Variants in TRUB1 observed in about 807,000 individuals in gnomAD.
TRUB1 encodes the protein pseudouridylate synthase TRUB1.
Under a neutral mutation model 33.9 loss-of-function variants are expected in TRUB1, and 23 were observed. The ratio of observed to expected loss-of-function variants is 0.68; its 90% CI spans 0.49 to 0.96. TRUB1 has a LOEUF of 0.96. Among genes scored for constraint, TRUB1 ranks in the 40% least tolerant of loss-of-function variants. The probability of loss-of-function intolerance (pLI) is 0.00; values close to 1 mark genes in which losing one functional copy is unlikely to be tolerated. For synonymous variants in TRUB1, 163 were observed against 165.4 expected, an observed-to-expected ratio of 0.99 and a Z score of 0.11; for missense variants, 378 against 422.2, an observed-to-expected ratio of 0.90 and a Z score of 0.92.
chr10:114,938,616 C>T (rs2084171168), intron 1 of TRUB1, 77 bp downstream of exon 1: 14 of 1,405,468 alleles, frequency 1.0e-5, no homozygotes, highest in South Asian at 6.2e-5. Flanking sequence ...TTGCGACGCT[C>T]GTGATTCAAG....
chr10:114,954,585 A>G (rs2084253544), intron 3 of TRUB1, among the ~76,000 whole-genome samples: 1 of 151,778 alleles, frequency 6.6e-6, no homozygotes, highest in African/African-American at 2.4e-5. Context: ...TGTGTTCCTC[A>G]TTGTCTTCCT....
intron 2 of TRUB1, 72 bp from the exon 3 acceptor site, chr10:114,951,021 CA>C: frequency 3.7e-6 from 5 of 1,365,890 alleles, no homozygotes; most frequent in Admixed American, 1.8e-5. Flanking sequence ...AAATTATGAC[CA>C]AAAAATATAG....
chr10:114,973,775 C>A (rs2084347025), intron 6 of TRUB1, among the ~76,000 whole-genome samples: 1 of 152,106 alleles, frequency 6.6e-6, no homozygotes, highest in Non-Finnish European at 1.5e-5. Context: ...TCCAAGAGAA[C>A]ATTTAAATAA....
At chr10:114,967,734 A>C (rs1360728017) in intron 4 of TRUB1, among the ~76,000 whole-genome samples, 2 of 152,174 alleles carry the variant, frequency 1.3e-5, no homozygotes, top group Admixed American at 1.3e-4. Context: ...CTTTTTAAAT[A>C]CTTTGGAAGT....
chr10:114,959,091 G>A (rs746127338), intron 3 of TRUB1, among the ~76,000 whole-genome samples: 10 of 152,112 alleles, frequency 6.6e-5, no homozygotes, highest in African/African-American at 9.7e-5. Context: ...AGCCGAGATC[G>A]CACCACTGCA....
intron 3 of TRUB1, among the ~76,000 whole-genome samples, chr10:114,957,789 A>G (rs961073603): frequency 9.9e-5 from 15 of 152,218 alleles, no homozygotes; most frequent in African/African-American, 2.9e-4. Context: ...TACTGCAGAT[A>G]CATTCAAGGC....
At chr10:114,960,051 C>G (rs2084279018) in intron 4 of TRUB1, 3 of 405,902 alleles carry the variant, frequency 7.4e-6, no homozygotes, top group Non-Finnish European at 1.3e-5. Context: ...AATTATTCTT[C>G]CAAATAACCT....
chr10:114,972,840 A>G (rs2084343477), intron 6 of TRUB1, among the ~76,000 whole-genome samples: 1 of 152,188 alleles, frequency 6.6e-6, no homozygotes, highest in Non-Finnish European at 1.5e-5. Context: ...AATTCAAGTT[A>G]TGAATTTTAA....
At chr10:114,960,021 G>A (rs2084278867) in intron 4 of TRUB1, 1 of 501,868 alleles carries the variant, frequency 2.0e-6, no homozygotes, top group African/African-American at 2.0e-5. Flanking sequence ...TTTTTCTATA[G>A]TGATGTTTTA....
Position 114,975,391 on chromosome 10 carries a change from G to A in TRUB1, c.*12G>A. 6.6e-7 allele frequency: 1 copy of A among 1,524,022 alleles called. No homozygotes were observed. Among genetic ancestry groups the A allele is most frequent in the Non-Finnish European group, 8.8e-7 (1 of 1,134,710 alleles). 94.4% of individuals were successfully genotyped at this position (1,524,022 alleles called of 1,614,324 possible). ...TTAAGACGTGTTGAGATTGGCCTGG[G>A]AATATCATCATTTTCTAGTTGACAT... On this transcript the variant is annotated 3_prime_UTR_variant, in exon 8 of 8. Coordinates refer to ENST00000298746, the MANE Select transcript of TRUB1 (RefSeq NM_139169.5).
intron 6 of TRUB1, among the ~76,000 whole-genome samples, chr10:114,973,599 G>A (rs946090419): frequency 1.4e-4 from 22 of 152,336 alleles, no homozygotes; most frequent in Non-Finnish European, 2.6e-4. Flanking sequence ...GTGTGGAAAT[G>A]TGGCAGCTCT....
intron 3 of TRUB1, among the ~76,000 whole-genome samples, chr10:114,954,908 CT>C (rs5788089): frequency 0.023 from 3,340 of 146,554 alleles, 103 homozygotes; most frequent in African/African-American, 0.065. Flanking sequence ...CAGTTAATTT[CT>C]TTTTTTTTTT....
rs377751912 is a variant in TRUB1 at position 114,975,107 on chromosome 10, C to G, written c.794-16C>G. 2.4e-5 allele frequency: 38 copies of G among 1,584,350 alleles called. No homozygotes were observed. The highest frequency in any genetic ancestry group is 3.3e-5 in the Non-Finnish European group (38 of 1,167,346). On this transcript the variant is annotated splice_polypyrimidine_tract_variant and intron_variant, in intron 7 of 7. Transcript: ENST00000298746. ...GTTTATCTTCTGGATTTTTTTTCTA[C>G]CTTTTGTTGCCATAGAACTATCTTC...
chr10:114,974,310 G>A lies in TRUB1; in HGVS notation c.737-19G>A, dbSNP rs6585312. 2.5e-6 allele frequency: 4 copies of A among 1,605,876 alleles called. No individual in the cohort carries two copies. The highest frequency in any genetic ancestry group is 1.7e-4 in the Middle Eastern group (1 of 6,030). ...TCATAGGAGGTTAGCAATTTACTAT[G>A]TCACTGTTAACATTCCAGATGTTGA... On this transcript the variant is annotated intron_variant, in intron 6 of 7. Coordinates refer to ENST00000298746, the MANE Select transcript of TRUB1 (RefSeq NM_139169.5).
At chr10:114,938,690 C>T (rs1564696165) in intron 1 of TRUB1, 151 bp downstream of exon 1, 3 of 942,808 alleles carry the variant, frequency 3.2e-6, no homozygotes, top group East Asian at 5.8e-5. Flanking sequence ...TCTCGGGCAT[C>T]TCGGGCTTGG....
At chr10:114,939,821 C>CTTTTTTTTT (rs199856592) in intron 1 of TRUB1, among the ~76,000 whole-genome samples, 4 of 103,482 alleles carry the variant, frequency 3.9e-5, no homozygotes, top group Non-Finnish European at 8.0e-5. Flanking sequence ...CTCTGGGTTT[C>CTTTTTTTTT]TTTTCTTTTT....
rs2084194232 is a variant in TRUB1, at chr10:114,942,733, A to C, written c.375A>C (p.Arg125=). Residue 125 remains arginine, a synonymous_variant, in exon 2 of 8, where the codon CGA becomes CGC. Coordinates refer to ENST00000298746, the MANE Select transcript of TRUB1 (RefSeq NM_139169.5). ...GHGGTLDSAA[R]GVLVVGIGSG... ...GAGGGACTCTAGACAGCGCAGCCCG[A>C]GGAGTTCTGGGTAAGAGATATGAAA... 1.9e-6 allele frequency: 3 copies of C among 1,612,564 alleles called. No homozygotes were observed. The highest frequency in any genetic ancestry group is 2.7e-5 in the African/African-American group (2 of 75,020).
At position 114,942,288 on chromosome 10, in the gene TRUB1, A is replaced by AT. The variant is rs556003628; in HGVS notation, c.287-355dup. Among the ~76,000 whole-genome samples, 39 of 152,300 alleles carry AT rather than the reference A, an allele frequency of 2.6e-4. 1 individual carries two copies. The East Asian group carries it at 5.4e-3, about 21-fold the overall frequency. ...TTTAAAAGTATCTTTCTATATAAAA[A>AT]TTAACTTCTTTTCATGATTCTCTAT... is the stretch of plus-strand genomic sequence containing the variant. On this transcript the variant is annotated intron_variant, in intron 1 of 7. Transcript: ENST00000298746.
chr10:114,972,261 A>G lies in TRUB1; in HGVS notation c.723A>G (p.Pro241=), dbSNP rs1212151445. The change falls in exon 6 of 8, where the codon CCA becomes CCG. Residue 241 remains proline, a synonymous_variant. Transcript: ENST00000298746. The part of the protein sequence containing the change: ...YSISLQKFQP[P]FFTLDVECGG... ...TCTCCCTTCAAAAATTCCAGCCACCATTTTTCACATTAGGTAAGATGGAGA... is the reference window on the plus strand; with the variant it reads ...TCTCCCTTCAAAAATTCCAGCCACCGTTTTTCACATTAGGTAAGATGGAGA... 1.2e-6 allele frequency: 2 copies of G among 1,605,286 alleles called. No individual in the cohort carries two copies. Among genetic ancestry groups the G allele is most frequent in the East Asian group, 2.2e-5 (1 of 44,632 alleles).
Sources: gnomAD v4.1 joint callset for allele counts (sites outside exome capture counted in the v4.1 genomes callset) on GRCh38, gnomAD v4.1.1 for gene constraint, MANE v1.5 for transcripts, NCBI Gene and HGNC (gene_info 2026-07-23, HGNC 2026-07-21) for gene names.